The following GPC6 variants were observed in gnomAD, a reference collection of about 807,000 sequenced individuals.
GPC6 encodes glypican 6.
Under a neutral mutation model 55.2 loss-of-function variants are expected in GPC6, and 14 were observed. The ratio of observed to expected loss-of-function variants is 0.25; its 90% CI spans 0.17 to 0.40. The LOEUF is 0.40. GPC6 is among the 10% of genes least tolerant of loss of function. The probability of loss-of-function intolerance (pLI) is 1.00; values close to 1 mark genes in which losing one functional copy is unlikely to be tolerated. For missense variants in GPC6, 641 were observed against 708.5 expected, an observed-to-expected ratio of 0.90 and a Z score of 1.08; for synonymous variants, 278 against 259.6, an observed-to-expected ratio of 1.07 and a Z score of -0.68.
intron 4 of GPC6, among the ~76,000 whole-genome samples, chr13:94,103,275 C>T (rs927028542): frequency 2.0e-5 from 3 of 152,160 alleles, no homozygotes; most frequent in African/African-American, 7.2e-5. Flanking sequence ...TTTTCTTAAT[C>T]CAGTCAATCA....
chr13:93,356,454 A>G (rs970789205), intron 1 of GPC6, among the ~76,000 whole-genome samples: 2 of 152,220 alleles, frequency 1.3e-5, no homozygotes, highest in Non-Finnish European at 2.9e-5. Context: ...CCTTTCAGGC[A>G]TGACATATGT....
chr13:94,226,114 T>A (rs1890549529), intron 4 of GPC6, among the ~76,000 whole-genome samples: 1 of 152,134 alleles, frequency 6.6e-6, no homozygotes, highest in Admixed American at 6.6e-5. Context: ...AACAAATTCT[T>A]ACCATCATTA....
chr13:93,269,197 T>C (rs193265682), intron 1 of GPC6, among the ~76,000 whole-genome samples: 168 of 152,284 alleles, frequency 1.1e-3, no homozygotes, highest in African/African-American at 3.4e-3. Context: ...AGAGTGATTA[T>C]GTACTCGATG....
At chr13:94,260,686 G>C (rs1017433326) in intron 4 of GPC6, among the ~76,000 whole-genome samples, 1 of 152,138 alleles carries the variant, frequency 6.6e-6, no homozygotes, top group Non-Finnish European at 1.5e-5. Context: ...AGGGAGAAAA[G>C]AGCCCACAGC....
intron 1 of GPC6, among the ~76,000 whole-genome samples, chr13:93,434,957 G>A (rs776371486): frequency 6.6e-6 from 1 of 152,020 alleles, no homozygotes; most frequent in Non-Finnish European, 1.5e-5. Context: ...CGCCTGCCTT[G>A]GCCTCCCAAA....
chr13:93,984,155 T>C (rs137998185), intron 3 of GPC6, among the ~76,000 whole-genome samples: 68 of 152,256 alleles, frequency 4.5e-4, no homozygotes, highest in African/African-American at 1.6e-3. Context: ...GGATTCTGCT[T>C]GATCTTAGCT....
chr13:93,635,070 T>C (rs1006470742), intron 2 of GPC6, among the ~76,000 whole-genome samples: 1 of 152,120 alleles, frequency 6.6e-6, no homozygotes, highest in Admixed American at 6.6e-5. Flanking sequence ...ACACCTATCT[T>C]TGTATATATT....
chr13:94,149,875 G>C (rs1327123091), intron 4 of GPC6, among the ~76,000 whole-genome samples: 2 of 151,972 alleles, frequency 1.3e-5, no homozygotes, highest in African/African-American at 4.8e-5. Flanking sequence ...ACTTTTTTGA[G>C]GGTGTTTTCT....
At chr13:93,330,613 A>G (rs1025234829) in intron 1 of GPC6, among the ~76,000 whole-genome samples, 8 of 152,108 alleles carry the variant, frequency 5.3e-5, no homozygotes, top group African/African-American at 9.7e-5. Context: ...TATCATGAAG[A>G]CATACTTGGT....
intron 3 of GPC6, among the ~76,000 whole-genome samples, chr13:93,978,452 C>T (rs996178915): frequency 6.6e-6 from 1 of 152,108 alleles, no homozygotes; most frequent in Non-Finnish European, 1.5e-5. Context: ...GTTCTCAATA[C>T]AGAATTTTAA....
intron 4 of GPC6, among the ~76,000 whole-genome samples, chr13:94,183,443 T>C (rs1483979760): frequency 6.6e-6 from 1 of 152,184 alleles, no homozygotes; most frequent in Non-Finnish European, 1.5e-5. Flanking sequence ...ATATACCACA[T>C]TTTGTTTATT....
chr13:93,393,335 TCACC>T (rs1875720164), intron 1 of GPC6, among the ~76,000 whole-genome samples: 1 of 151,810 alleles, frequency 6.6e-6, no homozygotes, highest in Non-Finnish European at 1.5e-5. Flanking sequence ...AGATGGAATT[TCACC>T]ATGTTGGCCA....
chr13:94,231,920 G>T (rs1404352208), intron 4 of GPC6, among the ~76,000 whole-genome samples: 1 of 151,726 alleles, frequency 6.6e-6, no homozygotes, highest in Admixed American at 6.6e-5. Context: ...CTTTTATTCT[G>T]ATCAAAAAAG....
At chr13:94,279,917 C>T (rs577071597) in intron 4 of GPC6, among the ~76,000 whole-genome samples, 20 of 152,276 alleles carry the variant, frequency 1.3e-4, no homozygotes, top group African/African-American at 4.8e-4. Flanking sequence ...AATGTATACT[C>T]TGTTGATTTG....
intron 6 of GPC6, among the ~76,000 whole-genome samples, chr13:94,372,927 C>A (rs1271373504): frequency 6.6e-6 from 1 of 152,172 alleles, no homozygotes. Flanking sequence ...AGCAGCCTAA[C>A]TGGGAGGCAC....
At chr13:93,723,320 G>A (rs781769515) in intron 2 of GPC6, among the ~76,000 whole-genome samples, 53 of 151,982 alleles carry the variant, frequency 3.5e-4, no homozygotes, top group Admixed American at 4.6e-4. Context: ...TTTCCTATGG[G>A]AGGCAGTTTC....
At chr13:93,330,540 C>T (rs942518063) in intron 1 of GPC6, among the ~76,000 whole-genome samples, 18 of 151,660 alleles carry the variant, frequency 1.2e-4, no homozygotes, top group Non-Finnish European at 2.2e-4. Context: ...AAAAAAAATG[C>T]TTTTGCAGAT....
At chr13:93,833,090 G>C (rs1887582211) in intron 3 of GPC6, among the ~76,000 whole-genome samples, 1 of 141,696 alleles carries the variant, frequency 7.1e-6, no homozygotes, top group South Asian at 2.4e-4. Flanking sequence ...TGGATGGATG[G>C]GTAGATAGGT....
intron 3 of GPC6, chr13:93,835,963 A>C (rs1346793433): frequency 6.6e-6 from 1 of 152,108 alleles, no homozygotes; most frequent in Non-Finnish European, 1.5e-5. Flanking sequence ...TCTCTCTATC[A>C]AAAATCTTTC....
Sources: gnomAD v4.1 joint callset for allele counts (sites outside exome capture counted in the v4.1 genomes callset) on GRCh38, gnomAD v4.1.1 for gene constraint, MANE v1.5 for transcripts, NCBI Gene and HGNC (gene_info 2026-07-23, HGNC 2026-07-21) for gene names.